The following FLI1 variants were observed in gnomAD, a reference collection of about 807,000 sequenced individuals.
FLI1 encodes the protein Friend leukemia integration 1 transcription factor.
A neutral mutation model predicts 53.1 loss-of-function variants in FLI1; 13 were observed. The ratio of observed to expected loss-of-function variants is 0.24; its 90% CI spans 0.16 to 0.39. The LOEUF is 0.39. Among genes scored for constraint, FLI1 ranks in the 10% least tolerant of loss-of-function variants. The pLI is 1.00. For missense variants in FLI1, 424 were observed against 600.5 expected, an observed-to-expected ratio of 0.71 and a Z score of 3.07; for synonymous variants, 244 against 236.7, an observed-to-expected ratio of 1.03 and a Z score of -0.28.
chr11:128,764,765 G>T, intron 2 of FLI1: 1 of 1,590,590 alleles, frequency 6.3e-7, no homozygotes, highest in Non-Finnish European at 8.5e-7. Flanking sequence ...GGCTGGAGGA[G>T]GCACGGTGCT....
chr11:128,751,907 C>A (rs1001119382), intron 1 of FLI1, among the ~76,000 whole-genome samples: 2 of 151,254 alleles, frequency 1.3e-5, no homozygotes, highest in Admixed American at 6.6e-5. Context: ...AAGCATTCCA[C>A]CCGGTTCAGC....
intron 8 of FLI1, among the ~76,000 whole-genome samples, chr11:128,809,469 G>C (rs1198638550): frequency 6.6e-6 from 1 of 152,084 alleles, no homozygotes; most frequent in Non-Finnish European, 1.5e-5. Flanking sequence ...TGAGTAATAA[G>C]TGGCACAGGT....
chr11:128,773,071 G>GT, intron 4 of FLI1, 86 bp downstream of exon 4: 2 of 1,280,176 alleles, frequency 1.6e-6, no homozygotes, highest in Middle Eastern at 2.3e-4. Context: ...GCCCGTTCGT[G>GT]TTGGGCAGAT....
At chr11:128,736,029 C>G (rs1389102076) in intron 1 of FLI1, among the ~76,000 whole-genome samples, 1 of 152,130 alleles carries the variant, frequency 6.6e-6, no homozygotes, top group African/African-American at 2.4e-5. Context: ...CATCTTTAGG[C>G]AGAGATTCCT....
intron 1 of FLI1, among the ~76,000 whole-genome samples, chr11:128,750,885 G>T (rs890514104): frequency 6.6e-6 from 1 of 152,182 alleles, no homozygotes; most frequent in East Asian, 1.9e-4. Flanking sequence ...ATGTACCCAC[G>T]CCATTCTTCT....
intron 5 of FLI1, among the ~76,000 whole-genome samples, chr11:128,795,220 G>A (rs377459766): frequency 2.0e-5 from 3 of 152,304 alleles, no homozygotes; most frequent in Non-Finnish European, 2.9e-5. Context: ...TTCAAAACCC[G>A]ATTCAAGTCC....
chr11:128,785,058 A>C (rs2135871547), intron 5 of FLI1, among the ~76,000 whole-genome samples: 1 of 152,336 alleles, frequency 6.6e-6, no homozygotes, highest in South Asian at 2.1e-4. Context: ...AAATGGCTGC[A>C]ATCTCTAGGG....
At chr11:128,719,300 T>C (rs1471364382) in intron 1 of FLI1, among the ~76,000 whole-genome samples, 2 of 150,836 alleles carry the variant, frequency 1.3e-5, no homozygotes, top group African/African-American at 4.9e-5. Flanking sequence ...AAACAGTTCG[T>C]AATGTTGTGA....
rs1292407240 is a variant in FLI1 at position 128,794,230 on chromosome 11, C to T, written c.656-11136C>T. Among the ~76,000 whole-genome samples, 4 of 152,126 alleles carry T rather than the reference C, an allele frequency of 2.6e-5. No individual in the cohort carries two copies. In the East Asian group the frequency reaches 7.7e-4, roughly 29 times the overall value. On this transcript the variant is annotated intron_variant, in intron 5 of 8. Coordinates refer to ENST00000527786, the MANE Select transcript of FLI1 (RefSeq NM_002017.5). ...AGAAGTTAAAAGTGATCCCCGTTGG[C>T]CATTTAGAGGAGAAGGGTCCCAAAA... is the stretch of plus-strand genomic sequence containing the variant.
intron 1 of FLI1, among the ~76,000 whole-genome samples, chr11:128,710,890 T>G (rs1261929746): frequency 6.6e-6 from 1 of 152,234 alleles, no homozygotes; most frequent in Non-Finnish European, 1.5e-5. Context: ...CAGATATAGC[T>G]CTTGCACAAT....
chr11:128,775,585 G>A lies in FLI1; in HGVS notation c.589+2600G>A, dbSNP rs1026306805. Among the ~76,000 whole-genome samples, 50 of 152,328 alleles carry A rather than the reference G, an allele frequency of 3.3e-4. 1 individual carries two copies. Among genetic ancestry groups the A allele is most frequent in the African/African-American group, 1.0e-3 (42 of 41,582 alleles). On this transcript the variant is annotated intron_variant, in intron 4 of 8. Transcript: ENST00000527786. ...TGGCGATCGTGTCTGCTCTGTTTCTGCTCTGGATTGCTGGGAACTCCCCCG... is the reference window on the plus strand; with the variant it reads ...TGGCGATCGTGTCTGCTCTGTTTCTACTCTGGATTGCTGGGAACTCCCCCG...
chr11:128,789,250 T>G (rs1003657888), intron 5 of FLI1, among the ~76,000 whole-genome samples: 1 of 152,122 alleles, frequency 6.6e-6, no homozygotes, highest in Non-Finnish European at 1.5e-5. Flanking sequence ...GGGTGTTTGA[T>G]GTGGGTTTCA....
intron 1 of FLI1, among the ~76,000 whole-genome samples, chr11:128,705,433 T>C (rs1423954506): frequency 6.6e-6 from 1 of 152,240 alleles, no homozygotes; most frequent in Non-Finnish European, 1.5e-5. Flanking sequence ...CTTCCTCCTC[T>C]ACCCTTGTAC....
intron 4 of FLI1, among the ~76,000 whole-genome samples, chr11:128,776,899 C>T (rs1346581417): frequency 2.0e-5 from 3 of 152,228 alleles, no homozygotes; most frequent in Admixed American, 6.5e-5. Flanking sequence ...CCCGGCCTTC[C>T]ACGTGGGCAG....
At chr11:128,788,952 A>C (rs1942183000) in intron 5 of FLI1, among the ~76,000 whole-genome samples, 1 of 152,194 alleles carries the variant, frequency 6.6e-6, no homozygotes, top group South Asian at 2.1e-4. Context: ...TAAGTAAGGA[A>C]CTACTGTGCT....
At chr11:128,802,374 C>T (rs1942658578) in intron 5 of FLI1, among the ~76,000 whole-genome samples, 1 of 152,142 alleles carries the variant, frequency 6.6e-6, no homozygotes, top group Admixed American at 6.6e-5. Flanking sequence ...CAGCCAGGTA[C>T]CAGTGGGAAG....
rs141827964 is a variant in FLI1, at chr11:128,702,420, A to G, written c.18+8144A>G. On this transcript the variant is annotated intron_variant, in intron 1 of 8. Coordinates refer to ENST00000527786, the MANE Select transcript of FLI1 (RefSeq NM_002017.5). ...TAAGGATGGTTAGACACATTTTCTT[A>G]AAGGTAACAACCAGTTTATATTCTC... Among the ~76,000 whole-genome samples, 21 of 152,356 alleles carry G rather than the reference A, an allele frequency of 1.4e-4. No homozygotes were observed. In the East Asian group the frequency reaches 3.3e-3, roughly 24 times the overall value.
chr11:128,728,725 A>G lies in FLI1; in HGVS notation c.19-29390A>G, dbSNP rs756490542. 7.2e-5 allele frequency among the ~76,000 whole-genome samples: 11 copies of G among 152,332 alleles called. 1 individual carries two copies. The highest frequency in any genetic ancestry group is 6.8e-3 in the Middle Eastern group (2 of 294). On this transcript the variant is annotated intron_variant, in intron 1 of 8. Coordinates refer to ENST00000527786, the MANE Select transcript of FLI1 (RefSeq NM_002017.5). ...GGGATTCTTCCCTTCAGGCACAGAA[A>G]TTCTCATTTGCACTCCCCATTTGCC... is the stretch of plus-strand genomic sequence containing the variant.
chr11:128,757,222 C>T (rs1940927824), intron 1 of FLI1, among the ~76,000 whole-genome samples: 1 of 152,068 alleles, frequency 6.6e-6, no homozygotes, highest in Non-Finnish European at 1.5e-5. Flanking sequence ...GCTGGGATTA[C>T]AGGCATGAGC....
Sources: gnomAD v4.1 joint callset for allele counts (sites outside exome capture counted in the v4.1 genomes callset) on GRCh38, gnomAD v4.1.1 for gene constraint, MANE v1.5 for transcripts, NCBI Gene and HGNC (gene_info 2026-07-23, HGNC 2026-07-21) for gene names.